The following DIP2C variants were observed in gnomAD, a reference collection of about 807,000 sequenced individuals.
DIP2C encodes the protein disco-interacting protein 2 homolog C.
In DIP2C, 33 loss-of-function variants were observed where a neutral mutation model predicts 192.4. That is an observed-to-expected ratio of 0.17 (90% CI 0.13 to 0.23). The LOEUF (loss-of-function observed/expected upper bound fraction) is 0.23. Ranked by LOEUF, DIP2C falls within the 10% of genes least tolerant of loss-of-function variation. DIP2C has a pLI of 1.00. For synonymous variants in DIP2C, 979 were observed against 864.1 expected (o/e 1.13, Z -2.33); for missense variants, 1,537 against 2,110.1 (o/e 0.73, Z 5.32).
chr10:524,152 A>G (rs1443390660), intron 1 of DIP2C, among the ~76,000 whole-genome samples: 3 of 152,158 alleles, frequency 2.0e-5, no homozygotes, highest in Non-Finnish European at 2.9e-5. Flanking sequence ...CAAGGCCCCT[A>G]GTGGGGCAGC....
intron 1 of DIP2C, among the ~76,000 whole-genome samples, chr10:610,396 G>A (rs950005911): frequency 6.6e-6 from 1 of 152,200 alleles, no homozygotes. Flanking sequence ...GCAGGGGAAT[G>A]TCAGTGGGTC....
At chr10:294,810 A>T (rs1462400236) in intron 32 of DIP2C, among the ~76,000 whole-genome samples, 3 of 152,166 alleles carry the variant, frequency 2.0e-5, no homozygotes, top group Admixed American at 2.0e-4. Flanking sequence ...AAGCAAAAAT[A>T]AGCAAATAGG....
At chr10:433,799 T>G (rs1283167281) in intron 4 of DIP2C, among the ~76,000 whole-genome samples, 4 of 152,244 alleles carry the variant, frequency 2.6e-5, no homozygotes, top group Non-Finnish European at 5.9e-5. Context: ...CAATATATAG[T>G]TGGGTGCATT....
At chr10:594,313 G>A (rs1488715307) in intron 1 of DIP2C, among the ~76,000 whole-genome samples, 3 of 152,124 alleles carry the variant, frequency 2.0e-5, no homozygotes, top group African/African-American at 7.2e-5. Context: ...AACCCCACAT[G>A]AAACTCCCCA....
At chr10:588,584 C>T (rs1851222447) in intron 1 of DIP2C, among the ~76,000 whole-genome samples, 1 of 152,198 alleles carries the variant, frequency 6.6e-6, no homozygotes, top group South Asian at 2.1e-4. Flanking sequence ...AACAGAGGTC[C>T]CGGCAGAGGT....
chr10:486,006 T>C (rs1843988887), intron 2 of DIP2C, among the ~76,000 whole-genome samples: 1 of 152,210 alleles, frequency 6.6e-6, no homozygotes, highest in African/African-American at 2.4e-5. Flanking sequence ...TCATGGATGT[T>C]TGCAACCACA....
rs532217630 is a variant in DIP2C, at chr10:592,691, C to G, written c.85+96803G>C. 2.0e-3 allele frequency among the ~76,000 whole-genome samples: 311 copies of G among 152,206 alleles called. 1 individual carries two copies. The highest frequency in any genetic ancestry group is 5.2e-3 in the African/African-American group (217 of 41,490). On this transcript the variant is annotated intron_variant, in intron 1 of 36. Transcript: ENST00000280886. ...AATAATGACAACACTATTTTTAATT[C>G]TTTGTAAATTATAACTATTACTATG...
At chr10:506,568 C>G (rs1845606341) in intron 1 of DIP2C, among the ~76,000 whole-genome samples, 1 of 152,136 alleles carries the variant, frequency 6.6e-6, no homozygotes, top group Admixed American at 6.5e-5. Context: ...GCCAACGTAC[C>G]AGAATAGAAT....
intron 3 of DIP2C, among the ~76,000 whole-genome samples, chr10:464,059 C>G (rs923057835): frequency 6.6e-6 from 1 of 152,128 alleles, no homozygotes; most frequent in African/African-American, 2.4e-5. Flanking sequence ...AAAACCTAGG[C>G]AAAACCATTC....
chr10:444,314 C>T (rs77347335), intron 3 of DIP2C, among the ~76,000 whole-genome samples: 302 of 114,838 alleles, frequency 2.6e-3, no homozygotes, highest in African/African-American at 0.017. Context: ...TGTTCCGTCA[C>T]CCGAGACTCG....
rs115026459 is a variant in DIP2C, at chr10:659,205, G to A, written c.85+30289C>T. ...TAACTATATACACAGGAGCATCCAC[G>A]CATGCATACTTGCACATGTGTGCGA... On this transcript the variant is annotated intron_variant, in intron 1 of 36. Transcript: ENST00000280886. Among the ~76,000 whole-genome samples, 545 of 152,238 alleles carry A rather than the reference G, an allele frequency of 3.6e-3. 5 individuals are homozygous for A. The highest frequency in any genetic ancestry group is 0.012 in the African/African-American group (504 of 41,538).
chr10:346,347 C>T (rs1390545651), intron 26 of DIP2C, among the ~76,000 whole-genome samples: 22 of 44,534 alleles, frequency 4.9e-4, no homozygotes, highest in African/African-American at 1.8e-3. Flanking sequence ...TCCCGGAAAC[C>T]CCACACTCAC....
At chr10:610,115 GCATACACAGGAGCAGTACTCCAC>G (rs1366749339) in intron 1 of DIP2C, among the ~76,000 whole-genome samples, 7 of 152,214 alleles carry the variant, frequency 4.6e-5, no homozygotes, top group African/African-American at 1.7e-4. Flanking sequence ...TGTGGCCTGA[GCATACACAGGAGCAGTACTCCAC>G]CACACAGAGG....
In DIP2C at chr10:479,454, G is replaced by A. The variant is rs116350529; in HGVS notation, c.158-6905C>T. The stretch of plus-strand genomic sequence containing the variant: ...GTTCAAGTGATTCTTCTACCTCAGC[G>A]TCCCGAGGAGCTGGAATTACAGGCA... On this transcript the variant is annotated intron_variant, in intron 2 of 36. Coordinates refer to ENST00000280886, the MANE Select transcript of DIP2C (RefSeq NM_014974.3). Among the ~76,000 whole-genome samples, 8 of 150,482 alleles carry A rather than the reference G, an allele frequency of 5.3e-5. No individual in the cohort carries two copies. In the East Asian group the frequency reaches 7.9e-4, roughly 15 times the overall value.
intron 1 of DIP2C, among the ~76,000 whole-genome samples, chr10:487,582 T>TTTG (rs1564778113): frequency 7.4e-5 from 10 of 134,568 alleles, no homozygotes; most frequent in African/African-American, 2.8e-4. Flanking sequence ...TTTTTTTTTT[T>TTTG]TTTTTTTTTT....
intron 17 of DIP2C, among the ~76,000 whole-genome samples, chr10:370,550 C>T (rs1033831735): frequency 1.3e-5 from 2 of 152,220 alleles, no homozygotes; most frequent in Non-Finnish European, 2.9e-5. Flanking sequence ...AGAGCGGCCA[C>T]AGTTTGTTTT....
chr10:632,453 G>T (rs1854578492), intron 1 of DIP2C, among the ~76,000 whole-genome samples: 1 of 128,854 alleles, frequency 7.8e-6, no homozygotes. Context: ...TGTGAACTCA[G>T]ACCCGACGGC....
chr10:617,826 C>CG (rs908423836), intron 1 of DIP2C, among the ~76,000 whole-genome samples: 9 of 152,176 alleles, frequency 5.9e-5, no homozygotes, highest in African/African-American at 1.9e-4. Context: ...TAACCGCCCC[C>CG]CCAGCCCCAG....
At chr10:434,034 C>G (rs1657796985) in intron 4 of DIP2C, among the ~76,000 whole-genome samples, 1 of 152,096 alleles carries the variant, frequency 6.6e-6, no homozygotes, top group Admixed American at 6.6e-5. Flanking sequence ...AGCCCACTTT[C>G]AAATGACACT....
Sources: gnomAD v4.1 joint callset for allele counts (sites outside exome capture counted in the v4.1 genomes callset) on GRCh38, gnomAD v4.1.1 for gene constraint, MANE v1.5 for transcripts, NCBI Gene and HGNC (gene_info 2026-07-23, HGNC 2026-07-21) for gene names.